The following CABLES1 variants were observed in gnomAD, a reference collection of about 807,000 sequenced individuals.
CABLES1 encodes CDK5 and ABL1 enzyme substrate 1.
In CABLES1, 36 loss-of-function variants were observed where a neutral mutation model predicts 57.8. That is an observed-to-expected ratio of 0.62 (90% confidence interval 0.48 to 0.82). The LOEUF is 0.82. Among genes scored for constraint, CABLES1 ranks in the 40% least tolerant of loss-of-function variants. The pLI is 0.00. For missense variants in CABLES1, 767 were observed against 836.6 expected (o/e 0.92, Z 1.03); for synonymous variants, 374 against 363.0 (o/e 1.03, Z -0.35).
intron 1 of CABLES1, among the ~76,000 whole-genome samples, chr18:23,168,036 A>G (rs1256054011): frequency 6.6e-6 from 1 of 152,014 alleles, no homozygotes; most frequent in Admixed American, 6.6e-5. Context: ...GACTGACCCT[A>G]CTCCTTTCAT....
chr18:23,185,165 G>C (rs758854518), intron 1 of CABLES1, among the ~76,000 whole-genome samples: 12 of 152,168 alleles, frequency 7.9e-5, no homozygotes, highest in Non-Finnish European at 1.3e-4. Flanking sequence ...TCTCGTTTCT[G>C]GTGCAGGAAG....
chr18:23,248,537 T>A (rs1171780283), intron 7 of CABLES1, among the ~76,000 whole-genome samples: 14 of 96,660 alleles, frequency 1.4e-4, no homozygotes, highest in Middle Eastern at 4.5e-3. Context: ...TTTTTTTTTT[T>A]TAAAAAAAGG....
intron 4 of CABLES1, chr18:23,218,983 T>A (rs2047465550): frequency 2.9e-6 from 1 of 345,918 alleles, no homozygotes; most frequent in African/African-American, 2.1e-5. Context: ...ACACCCACAA[T>A]TATAGTAAAT....
At chr18:23,206,357 C>T (rs186088927) in intron 3 of CABLES1, among the ~76,000 whole-genome samples, 3 of 152,372 alleles carry the variant, frequency 2.0e-5, no homozygotes, top group Admixed American at 1.3e-4. Flanking sequence ...CCCTCAGCTA[C>T]GCTGAATTAT....
intron 1 of CABLES1, among the ~76,000 whole-genome samples, chr18:23,188,129 A>G (rs373892260): frequency 1.3e-5 from 2 of 152,176 alleles, no homozygotes; most frequent in African/African-American, 4.8e-5. Flanking sequence ...CCTGTACCTG[A>G]TATTCTTAGT....
chr18:23,188,845 C>T lies in CABLES1; in HGVS notation c.853C>T (p.Leu285Phe). ...FEQLQRSRRR[L>F]ISQRSSLETL... is the part of the protein sequence containing the mutation. ...TTTTCCTTCTTTCTGCAGACGGCGC[C>T]TCATCTCCCAGAGATCTTCCTTGGA... Residue 285 changes from leucine to phenylalanine, a missense_variant, in exon 2 of 10, where the codon CTC (leucine) becomes TTC (phenylalanine). Coordinates refer to ENST00000256925, the MANE Select transcript of CABLES1 (RefSeq NM_001100619.3). The T allele has an allele frequency of 6.2e-7, 1 of 1,613,786 alleles. No individual in the cohort carries two copies. Among genetic ancestry groups the T allele is most frequent in the Non-Finnish European group, 8.5e-7 (1 of 1,179,720 alleles).
chr18:23,248,403 C>T (rs892136819), intron 7 of CABLES1, among the ~76,000 whole-genome samples: 16 of 151,698 alleles, frequency 1.1e-4, no homozygotes, highest in African/African-American at 2.2e-4. Context: ...AAAGAGGAGC[C>T]GGTGCAGGGG....
At position 23,194,526 on chromosome 18, in the gene CABLES1, T is replaced by TA. The variant is rs1406719161; in HGVS notation, c.997dup (p.Thr333AsnfsTer17). The TA allele has an allele frequency of 6.2e-7, 1 of 1,610,200 alleles. No individual in the cohort carries two copies. The highest frequency in any genetic ancestry group is 8.5e-7 in the Non-Finnish European group (1 of 1,176,514). ...TTATCAAGAACATGCGGCAACACGA[T>TA]ACCAGGAATGGCAGGTACTACATTC... is the stretch of plus-strand genomic sequence containing the variant. On this transcript the variant is annotated frameshift_variant, in exon 3 of 10. Transcript: ENST00000256925. LOFTEE classifies it high-confidence loss of function.
intron 1 of CABLES1, among the ~76,000 whole-genome samples, chr18:23,185,668 G>C (rs962812764): frequency 1.3e-5 from 2 of 152,138 alleles, no homozygotes; most frequent in Admixed American, 6.5e-5. Context: ...CACCTCACTT[G>C]CCTGGGTGCA....
chr18:23,240,867 G>T (rs2047719369), intron 7 of CABLES1, among the ~76,000 whole-genome samples: 1 of 151,106 alleles, frequency 6.6e-6, no homozygotes, highest in Non-Finnish European at 1.5e-5. Flanking sequence ...TCAAAGTGAT[G>T]AGCTAATCCT....
At position 23,179,930 on chromosome 18, in the gene CABLES1, G is replaced by GT. The variant is rs201412531; in HGVS notation, c.846-8902dup. On this transcript the variant is annotated intron_variant, in intron 1 of 9. Coordinates refer to ENST00000256925, the MANE Select transcript of CABLES1 (RefSeq NM_001100619.3). Reference sequence around the variant, plus strand: ...GTTTTTGTTTTTATTTTTGTTTTTTGTTTTTTGAGACGGAGTCTCGCTCTG... The same window carrying GT: ...GTTTTTGTTTTTATTTTTGTTTTTTGTTTTTTTGAGACGGAGTCTCGCTCTG... 2.6e-5 allele frequency among the ~76,000 whole-genome samples: 4 copies of GT among 152,008 alleles called. No individual in the cohort carries two copies. The East Asian group carries it at 5.8e-4, about 22-fold the overall frequency.
At position 23,157,340 on chromosome 18, in the gene CABLES1, G is replaced by C. The variant is rs930861734; in HGVS notation, c.845+20733G>C. ...TGTACTTTATCCAGGTAGTAAAGGCGGGGGGGCGGTGGCTTCTCTAGATTG... is the reference window on the plus strand; with the variant it reads ...TGTACTTTATCCAGGTAGTAAAGGCCGGGGGGCGGTGGCTTCTCTAGATTG... On this transcript the variant is annotated intron_variant, in intron 1 of 9. Transcript: ENST00000256925. Among the ~76,000 whole-genome samples, 6 of 151,928 alleles carry C rather than the reference G, an allele frequency of 3.9e-5. No individual in the cohort carries two copies. The South Asian group carries it at 1.0e-3, about 26-fold the overall frequency.
chr18:23,232,766 G>A (rs768271557), intron 4 of CABLES1, among the ~76,000 whole-genome samples: 8 of 152,184 alleles, frequency 5.3e-5, no homozygotes, highest in Non-Finnish European at 8.8e-5. Context: ...AAGGTCTTGG[G>A]CATTTCTGTT....
chr18:23,194,512 A>G lies in CABLES1; in HGVS notation c.982A>G (p.Met328Val), dbSNP rs2047267691. 3.7e-6 allele frequency: 6 copies of G among 1,613,078 alleles called. No individual in the cohort carries two copies. The highest frequency in any genetic ancestry group is 1.1e-5 in the South Asian group (1 of 91,066). Reference protein sequence around the residue: ...NFKKIHFIKNMRQHDTRNGRI... With the variant: ...NFKKIHFIKNVRQHDTRNGRI... ...TAAGAAGATTCATTTTATCAAGAAC[A>G]TGCGGCAACACGATACCAGGAATGG... is the stretch of plus-strand genomic sequence containing the variant. The change falls in exon 3 of 10, where the codon ATG becomes GTG. Residue 328 changes from methionine to valine, a missense_variant. Physicochemically the swap from Met to Val is conservative, Grantham distance 21 (BLOSUM62 1). Coordinates refer to ENST00000256925, the MANE Select transcript of CABLES1 (RefSeq NM_001100619.3).
At chr18:23,140,710 T>C (rs1213748520) in intron 1 of CABLES1, among the ~76,000 whole-genome samples, 1 of 152,186 alleles carries the variant, frequency 6.6e-6, no homozygotes, top group East Asian at 1.9e-4. Flanking sequence ...AGTGCTGGGA[T>C]TGTAGGTGTG....
chr18:23,250,308 C>T (rs989958157), intron 7 of CABLES1, among the ~76,000 whole-genome samples: 4 of 149,908 alleles, frequency 2.7e-5, no homozygotes, highest in South Asian at 2.1e-4. Context: ...AGAGTAGAAG[C>T]GGCCTGTCTC....
At chr18:23,150,629 C>T (rs1210237060) in intron 1 of CABLES1, among the ~76,000 whole-genome samples, 1 of 152,110 alleles carries the variant, frequency 6.6e-6, no homozygotes. Context: ...CACCACAGAC[C>T]TTAGTGGCTC....
Position 23,206,739 on chromosome 18 carries a change from AT to A in CABLES1, c.1011-7232del, listed in dbSNP as rs568000378. On this transcript the variant is annotated intron_variant, in intron 3 of 9. Coordinates refer to ENST00000256925, the MANE Select transcript of CABLES1 (RefSeq NM_001100619.3). Reference sequence around the variant, plus strand: ...TTTCAATGACTTGCCTTGTGTGAATATTTTTTAAAGCATCCAGTATTAAACA... The same window carrying A: ...TTTCAATGACTTGCCTTGTGTGAATATTTTTAAAGCATCCAGTATTAAACA... 5.6e-4 allele frequency among the ~76,000 whole-genome samples: 85 copies of A among 151,530 alleles called. 1 individual carries two copies. Among genetic ancestry groups the A allele is most frequent in the Admixed American group, 5.6e-3 (85 of 15,202 alleles).
intron 2 of CABLES1, among the ~76,000 whole-genome samples, chr18:23,192,264 C>T (rs1218160086): frequency 6.6e-6 from 1 of 152,242 alleles, no homozygotes; most frequent in Non-Finnish European, 1.5e-5. Context: ...AACGTGGCTG[C>T]CATCGGCACC....
Sources: gnomAD v4.1 joint callset for allele counts (sites outside exome capture counted in the v4.1 genomes callset) on GRCh38, gnomAD v4.1.1 for gene constraint, MANE v1.5 for transcripts, NCBI Gene and HGNC (gene_info 2026-07-23, HGNC 2026-07-21) for gene names.